Variants in H6PD observed in about 807,000 individuals in gnomAD.
H6PD encodes the protein GDH/6PGL endoplasmic bifunctional protein.
In H6PD, 48 loss-of-function variants were observed where a neutral mutation model predicts 61.2. The ratio of observed to expected loss-of-function variants is 0.78; its 90% confidence interval spans 0.62 to 1.00. The LOEUF is 1.00. Ranked by LOEUF, H6PD falls within the 50% of genes least tolerant of loss-of-function variation. The probability of loss-of-function intolerance (pLI) is 0.00; values close to 1 mark genes in which losing one functional copy is unlikely to be tolerated. For missense variants in H6PD, 1,093 were observed against 1,065.0 expected, an observed-to-expected ratio of 1.03 and a Z score of -0.37; for synonymous variants, 480 against 457.9, an observed-to-expected ratio of 1.05 and a Z score of -0.62.
At chr1:9,248,150 C>A (rs1641244571) in intron 3 of H6PD, among the ~76,000 whole-genome samples, 1 of 152,226 alleles carries the variant, frequency 6.6e-6, no homozygotes, top group Non-Finnish European at 1.5e-5. Context: ...CTTTCTGCAG[C>A]TGCAGCGGGA....
rs148725451 is a variant in H6PD, at chr1:9,245,250, A to T, written c.316A>T (p.Ser106Cys). ...GCACAAGGATCAGTTCCTGCAGCTG[A>T]GCCAGTACCGCCAACTGAAGACGGC... ...AEHKDQFLQL[S>C]QYRQLKTAED... Residue 106 changes from serine to cysteine, a missense_variant, in exon 2 of 5, where the codon AGC becomes TGC. By Grantham distance (112) the Ser-to-Cys change is moderately radical. Transcript: ENST00000377403. This position sits in a 1 kb window ranked among gnomAD's most constrained non-coding sequence, Gnocchi z 4.8. 3.9e-5 allele frequency: 63 copies of T among 1,614,062 alleles called. No homozygotes were observed. Among genetic ancestry groups the T allele is most frequent in the Non-Finnish European group, 4.9e-5 (58 of 1,180,038 alleles).
chr1:9,237,433 G>A (rs12126056), intron 1 of H6PD, among the ~76,000 whole-genome samples: 36,160 of 151,296 alleles, frequency 0.24, 4,501 homozygotes, highest in East Asian at 0.42. Flanking sequence ...GGGTTTCACC[G>A]TGTTGGCCAG....
intron 3 of H6PD, 25 bp downstream of exon 3, chr1:9,247,108 G>T (rs374805768): frequency 6.9e-7 from 1 of 1,446,080 alleles, no homozygotes; most frequent in Non-Finnish European, 9.7e-7. Context: ...CTGCGCACTC[G>T]GTCCCCCAGC....
In H6PD at chr1:9,263,918, CA is replaced by C; in HGVS notation, c.1426del (p.Thr476GlnfsTer88). On this transcript the variant is annotated frameshift_variant, in exon 5 of 5. Coordinates refer to ENST00000377403, the MANE Select transcript of H6PD (RefSeq NM_004285.4). LOFTEE classifies it high-confidence loss of function. ...ATGGCCGGAAGAATTTCTTCATCAC[CA>C]CAGAGAACTTGCTGGCCTCCTGGAA... The part of the protein sequence containing the change: ...FHGRKNFFIT[T>X]ENLLASWNFW... 1 of 1,614,220 alleles carries C rather than the reference CA, an allele frequency of 6.2e-7. No homozygotes were observed.
chr1:9,237,349 C>T (rs1640881910), intron 1 of H6PD, among the ~76,000 whole-genome samples: 1 of 148,848 alleles, frequency 6.7e-6, no homozygotes, highest in Non-Finnish European at 1.5e-5. Context: ...TCTGCTCCCT[C>T]AGCCTCCCAA....
intron 3 of H6PD, among the ~76,000 whole-genome samples, chr1:9,260,025 G>A (rs1641669873): frequency 6.6e-6 from 1 of 151,282 alleles, no homozygotes; most frequent in African/African-American, 2.4e-5. Flanking sequence ...TGTTATGCTG[G>A]TGTTGTTGCA....
In H6PD at chr1:9,264,353, C is replaced by G. The variant is rs766579471; in HGVS notation, c.1860C>G (p.Asp620Glu). Residue 620 changes from aspartate to glutamate, a missense_variant, in exon 5 of 5, where the codon GAC (aspartate) becomes GAG (glutamate). Physicochemically the swap from Asp to Glu is conservative, Grantham distance 45. Transcript: ENST00000377403. ...CCCACACGCACCTGTGGCTGGTTGA[C>G]GAGCGCTGCGTCCCACTCTCAGACC... is the stretch of plus-strand genomic sequence containing the variant. Reference protein sequence around the residue: ...PWAHTHLWLVDERCVPLSDPE... With the variant: ...PWAHTHLWLVEERCVPLSDPE... The G allele has an allele frequency of 2.5e-6, 4 of 1,612,310 alleles. No homozygotes were observed. Among genetic ancestry groups the G allele is most frequent in the Non-Finnish European group, 2.5e-6 (3 of 1,179,942 alleles).
chr1:9,264,606 C>T lies in H6PD; in HGVS notation c.2113C>T (p.Gln705Ter), dbSNP rs1638488026. 6.2e-7 allele frequency: 1 copy of T among 1,613,112 alleles called. No homozygotes were observed. The highest frequency in any genetic ancestry group is 8.5e-7 in the Non-Finnish European group (1 of 1,179,970). The change falls in exon 5 of 5, where the codon CAG becomes TAG. Residue 705 changes from glutamine (Q) to a stop codon, truncating the protein, a stop_gained. Coordinates refer to ENST00000377403, the MANE Select transcript of H6PD (RefSeq NM_004285.4). LOFTEE classifies it high-confidence loss of function. ...ADGHTASLFPQSPTGLDGEQL... is the reference protein window; with the variant it reads ...ADGHTASLFP ...CGGGCACACAGCCTCCCTCTTCCCA[C>T]AGTCACCCACTGGCCTGGATGGCGA...
chr1:9,247,097 C>CA lies in H6PD; in HGVS notation c.745+14_745+15insA. 2.0e-6 allele frequency: 3 copies of CA among 1,511,722 alleles called. No individual in the cohort carries two copies. The highest frequency in any genetic ancestry group is 1.1e-5 in the South Asian group (1 of 89,332). The allele number at this position is 1,511,722 out of a possible 1,614,324, so 93.6% of individuals were successfully genotyped here. A position where few individuals can be genotyped will look rare whatever the true frequency, so the allele number is the denominator to read the frequency against. ...TGGATGCTGAAGGTGTGTGAGTGGC[C>CA]CTGCGCACTCGGTCCCCCAGCCTCT... On this transcript the variant is annotated intron_variant, in intron 3 of 4. Coordinates refer to ENST00000377403, the MANE Select transcript of H6PD (RefSeq NM_004285.4).
chr1:9,246,111 T>G (rs1392354429), intron 2 of H6PD, among the ~76,000 whole-genome samples: 3 of 152,012 alleles, frequency 2.0e-5, no homozygotes. Context: ...CCCGGCTAAT[T>G]TTTTGCATTT....
intron 3 of H6PD, among the ~76,000 whole-genome samples, chr1:9,260,579 G>T (rs1638223505): frequency 6.6e-6 from 1 of 152,046 alleles, no homozygotes; most frequent in Non-Finnish European, 1.5e-5. Flanking sequence ...TTATGTTGTT[G>T]TTACACTGGT....
In H6PD at chr1:9,264,717, G is replaced by A. The variant is rs1213119329; in HGVS notation, c.2224G>A (p.Val742Met). The change falls in exon 5 of 5, where the codon GTG becomes ATG. Residue 742 changes from valine (V) to methionine (M), a missense_variant. By Grantham distance (21) the Val-to-Met change is conservative. Transcript: ENST00000377403. ...SLPLINRAKK[V>M]AVLVMGRMKR... ...GCCTCTCATCAACCGCGCCAAGAAGGTGGCAGTCCTGGTCATGGGCAGGAT... is the reference window on the plus strand; with the variant it reads ...GCCTCTCATCAACCGCGCCAAGAAGATGGCAGTCCTGGTCATGGGCAGGAT... The A allele has an allele frequency of 4.3e-6, 7 of 1,613,268 alleles. No homozygotes were observed. The African/African-American group carries it at 5.3e-5, about 12-fold the overall frequency.
intron 4 of H6PD, 81 bp downstream of exon 4, chr1:9,262,409 G>A (rs1167505749): frequency 1.6e-5 from 20 of 1,278,094 alleles, no homozygotes; most frequent in Admixed American, 4.0e-5. Context: ...GCCCTTGGGT[G>A]GAGTGGAGGG....
At chr1:9,261,984 T>C (rs1269381973) in intron 3 of H6PD, 75 bp from the exon 4 acceptor site, 37 of 1,476,442 alleles carry the variant, frequency 2.5e-5, no homozygotes, top group Non-Finnish European at 3.5e-5. Flanking sequence ...GGCTGGGGTT[T>C]TGGTGCACCT....
At chr1:9,242,152 C>T (rs935871910) in intron 1 of H6PD, among the ~76,000 whole-genome samples, 8 of 152,110 alleles carry the variant, frequency 5.3e-5, no homozygotes, top group African/African-American at 1.9e-4. Context: ...CTGATGCCCT[C>T]CTTTGATGAG....
At chr1:9,261,498 C>T (rs1339176443) in intron 3 of H6PD, among the ~76,000 whole-genome samples, 1 of 152,198 alleles carries the variant, frequency 6.6e-6, no homozygotes, top group East Asian at 1.9e-4. Context: ...CTTTTCTCTT[C>T]TTCCCACTTT....
intron 1 of H6PD, among the ~76,000 whole-genome samples, chr1:9,244,405 G>A (rs1641096899): frequency 6.6e-6 from 1 of 152,210 alleles, no homozygotes. Flanking sequence ...TCACTATGCT[G>A]TAGCAGTTAT....
intron 1 of H6PD, among the ~76,000 whole-genome samples, chr1:9,241,724 C>T (rs745451292): frequency 1.3e-5 from 2 of 152,152 alleles, no homozygotes; most frequent in Admixed American, 6.5e-5. Flanking sequence ...AATTAGATCA[C>T]GAAGTTAGGC....
At chr1:9,247,206 C>A in intron 3 of H6PD, 123 bp downstream of exon 3, 1 of 759,566 alleles carries the variant, frequency 1.3e-6, no homozygotes. Flanking sequence ...TCGAGCCTGC[C>A]GTGTGCCTAG....
Sources: gnomAD v4.1 joint callset for allele counts (sites outside exome capture counted in the v4.1 genomes callset) on GRCh38, gnomAD v4.1.1 for gene constraint, Gnocchi (gnomAD v3.1) non-coding constraint, MANE v1.5 for transcripts, NCBI Gene and HGNC (gene_info 2026-07-23, HGNC 2026-07-21) for gene names.